AAMDC: variants seen among roughly 807,000 people sequenced by gnomAD.
AAMDC encodes mth938 domain-containing protein.
A neutral mutation model predicts 15.5 loss-of-function variants in AAMDC; 16 were observed. The observed-to-expected ratio is 1.03, with a 90% CI of 0.70 to 1.57. The LOEUF (loss-of-function observed/expected upper bound fraction) is 1.57. Among genes scored for constraint, AAMDC ranks in the 40% most tolerant of loss-of-function variants. The probability of loss-of-function intolerance (pLI) is 0.00; values close to 1 mark genes in which losing one functional copy is unlikely to be tolerated. For missense variants in AAMDC, 141 were observed against 144.9 expected, an observed-to-expected ratio of 0.97 and a Z score of 0.14; for synonymous variants, 51 against 51.6, an observed-to-expected ratio of 0.99 and a Z score of 0.05.
intron 5 of AAMDC, chr11:77,878,790 G>A (rs1481729044): frequency 1.4e-6 from 1 of 720,868 alleles, no homozygotes; most frequent in African/African-American, 1.8e-5. Context: ...ATTTTTTAAT[G>A]AAGAAACAAT....
intron 2 of AAMDC, among the ~76,000 whole-genome samples, chr11:77,864,543 T>C (rs1422553932): frequency 6.6e-6 from 1 of 152,238 alleles, no homozygotes; most frequent in Non-Finnish European, 1.5e-5. Flanking sequence ...AAAAAATGCA[T>C]ACTGTGGTTC....
At chr11:77,898,072 C>T (rs1952608266) in intron 5 of AAMDC, among the ~76,000 whole-genome samples, 1 of 152,168 alleles carries the variant, frequency 6.6e-6, no homozygotes, top group Non-Finnish European at 1.5e-5. Context: ...CTGCTTTGGC[C>T]TCCCAAAGTC....
intron 5 of AAMDC, among the ~76,000 whole-genome samples, chr11:77,893,545 G>A (rs1489397430): frequency 6.6e-6 from 1 of 152,102 alleles, no homozygotes; most frequent in Non-Finnish European, 1.5e-5. Context: ...CGAGTTCAAG[G>A]GTGCAGTGAG....
downstream of AAMDC, among the ~76,000 whole-genome samples, chr11:77,904,459 AT>A (rs1445034187): frequency 1.3e-5 from 2 of 152,216 alleles, no homozygotes; most frequent in African/African-American, 4.8e-5. Flanking sequence ...ACCATGCAGT[AT>A]TTTTTAAATT....
At chr11:77,830,413 A>G (rs541572501) in intron 1 of AAMDC, among the ~76,000 whole-genome samples, 12 of 151,510 alleles carry the variant, frequency 7.9e-5, no homozygotes, top group African/African-American at 2.7e-4. Context: ...TGAGAAATCT[A>G]GCGCCTATTG....
chr11:77,880,525 T>C (rs968339227), intron 5 of AAMDC, among the ~76,000 whole-genome samples: 1 of 152,224 alleles, frequency 6.6e-6, no homozygotes, highest in African/African-American at 2.4e-5. Flanking sequence ...TGTTCTCTGA[T>C]ACCAGGCTCC....
chr11:77,880,964 T>A (rs539215221), intron 5 of AAMDC, among the ~76,000 whole-genome samples: 2 of 151,986 alleles, frequency 1.3e-5, no homozygotes, highest in African/African-American at 4.8e-5. Context: ...AAAAAACAAA[T>A]AAATCCTGCT....
chr11:77,877,964 G>C (rs1951644751), intron 5 of AAMDC, among the ~76,000 whole-genome samples: 3 of 152,060 alleles, frequency 2.0e-5, no homozygotes, highest in African/African-American at 7.2e-5. Flanking sequence ...TCTTGCACTG[G>C]ACCCCTGTTT....
chr11:77,896,107 A>T (rs1241275594), intron 5 of AAMDC, among the ~76,000 whole-genome samples: 1 of 152,230 alleles, frequency 6.6e-6, no homozygotes, highest in Non-Finnish European at 1.5e-5. Context: ...AAACTTTTTT[A>T]AAAATTCTAA....
chr11:77,837,234 C>T (rs1021762418), intron 1 of AAMDC, among the ~76,000 whole-genome samples: 1 of 149,756 alleles, frequency 6.7e-6, no homozygotes, highest in African/African-American at 2.5e-5. Flanking sequence ...CTCCCAGGTT[C>T]AAATGATTCT....
intron 5 of AAMDC, among the ~76,000 whole-genome samples, chr11:77,895,809 G>C (rs182362605): frequency 6.6e-6 from 1 of 152,130 alleles, no homozygotes; most frequent in East Asian, 1.9e-4. Flanking sequence ...CTCCCCAAAC[G>C]TCAAAAAAGA....
At chr11:77,866,438 A>G (rs935260680) in intron 2 of AAMDC, 10 of 152,232 alleles carry the variant, frequency 6.6e-5, no homozygotes, top group African/African-American at 2.4e-4. Flanking sequence ...GGATGCCTCA[A>G]TAATAGTCTC....
At chr11:77,870,795 TAC>T (rs1403526811) in intron 3 of AAMDC, among the ~76,000 whole-genome samples, 2 of 152,232 alleles carry the variant, frequency 1.3e-5, no homozygotes, top group African/African-American at 2.4e-5. Context: ...TGCAAATATA[TAC>T]ACACTTACAC....
At chr11:77,895,527 GAAAAAAAA>G (rs71046921) in intron 5 of AAMDC, among the ~76,000 whole-genome samples, 12 of 39,252 alleles carry the variant, frequency 3.1e-4, no homozygotes, top group Admixed American at 8.4e-4. Context: ...TTCTTTTCCT[GAAAAAAAA>G]AAAAAAAAAA....
chr11:77,902,075 T>A (rs777137408), downstream of AAMDC, among the ~76,000 whole-genome samples: 4 of 152,206 alleles, frequency 2.6e-5, no homozygotes, highest in Non-Finnish European at 4.4e-5. Flanking sequence ...CTCGGTTCTA[T>A]CCAAATAAGC....
At chr11:77,839,942 G>A (rs145949822) in intron 1 of AAMDC, among the ~76,000 whole-genome samples, 353 of 152,174 alleles carry the variant, frequency 2.3e-3, no homozygotes, top group African/African-American at 7.8e-3. Context: ...TGTAATGAAC[G>A]TGCATGTCTT....
chr11:77,821,467 G>A (rs1257334664), intron 1 of AAMDC, among the ~76,000 whole-genome samples: 1 of 152,124 alleles, frequency 6.6e-6, no homozygotes, highest in Non-Finnish European at 1.5e-5. Flanking sequence ...TGGGGTACAG[G>A]AATCGCAGCT....
intron 2 of AAMDC, among the ~76,000 whole-genome samples, chr11:77,857,359 A>G (rs1565208131): frequency 2.0e-5 from 3 of 152,210 alleles, no homozygotes. Context: ...CAGGAAAAAC[A>G]TATGTCTAGA....
At chr11:77,875,380 G>A (rs1352422641), downstream of AAMDC, among the ~76,000 whole-genome samples, 2 of 152,178 alleles carry the variant, frequency 1.3e-5, no homozygotes, top group African/African-American at 4.8e-5. Flanking sequence ...GACATGTTTT[G>A]TTTGTCTCAG....
Sources: gnomAD v4.1 joint callset for allele counts (sites outside exome capture counted in the v4.1 genomes callset) on GRCh38, gnomAD v4.1.1 for gene constraint, MANE v1.5 for transcripts, NCBI Gene and HGNC (gene_info 2026-07-23, HGNC 2026-07-21) for gene names.